Variants in FGF14 observed in about 807,000 individuals in gnomAD.
FGF14 encodes the protein fibroblast growth factor 14, also known as fibroblast growth factor homologous factor 4.
In FGF14, 5 loss-of-function variants were observed where a neutral mutation model predicts 25.5. That is an observed-to-expected ratio of 0.20 (90% CI 0.10 to 0.41). The LOEUF is 0.41. FGF14 is among the 10% of genes least tolerant of loss of function. FGF14 has a pLI of 1.00. For synonymous variants in FGF14, 138 were observed against 118.3 expected, an observed-to-expected ratio of 1.17 and a Z score of -1.08; for missense variants, 222 against 320.1, an observed-to-expected ratio of 0.69 and a Z score of 2.34.
chr13:101,821,016 C>T (rs1194516012), intron 3 of FGF14, among the ~76,000 whole-genome samples: 1 of 147,372 alleles, frequency 6.8e-6, no homozygotes, highest in East Asian at 2.0e-4. Flanking sequence ...GGCATGATCT[C>T]GGCTCACTGC....
intron 1 of FGF14, among the ~76,000 whole-genome samples, chr13:101,973,713 C>T (rs1387868212): frequency 6.6e-6 from 1 of 152,160 alleles, no homozygotes; most frequent in Non-Finnish European, 1.5e-5. Flanking sequence ...GTGCTGGCAG[C>T]TGATGAGATG....
intron 1 of FGF14, among the ~76,000 whole-genome samples, chr13:102,127,592 C>T (rs1247320164): frequency 1.3e-5 from 2 of 152,150 alleles, no homozygotes; most frequent in Non-Finnish European, 2.9e-5. Context: ...AACCCTAACT[C>T]AGAGAATCAT....
At chr13:102,263,377 T>C (rs2141126437) in intron 1 of FGF14, among the ~76,000 whole-genome samples, 1 of 152,342 alleles carries the variant, frequency 6.6e-6, no homozygotes, top group African/African-American at 2.4e-5. Flanking sequence ...CATAATTTGA[T>C]GAATAGGACA....
chr13:102,353,344 C>T, intron 1 of FGF14, among the ~76,000 whole-genome samples: 1 of 152,172 alleles, frequency 6.6e-6, no homozygotes, highest in Non-Finnish European at 1.5e-5. Flanking sequence ...GTCTTCTCAT[C>T]TAAAATACTT....
chr13:102,329,348 A>C (rs1168991171), intron 1 of FGF14, among the ~76,000 whole-genome samples: 1 of 152,118 alleles, frequency 6.6e-6, no homozygotes, highest in Non-Finnish European at 1.5e-5. Context: ...CCCCAACAGT[A>C]GTGTCAAAAG....
chr13:101,882,707 T>A (rs1387288630), intron 1 of FGF14, among the ~76,000 whole-genome samples: 6 of 152,132 alleles, frequency 3.9e-5, no homozygotes, highest in Non-Finnish European at 7.4e-5. Flanking sequence ...ATTTAAGAAG[T>A]AACATTTTGG....
chr13:102,297,378 A>G (rs914431614), intron 1 of FGF14, among the ~76,000 whole-genome samples: 8 of 152,152 alleles, frequency 5.3e-5, no homozygotes, highest in African/African-American at 1.9e-4. Context: ...TGGAACAGGA[A>G]AAGGACATTA....
chr13:102,103,130 A>G (rs1353717713), intron 1 of FGF14, among the ~76,000 whole-genome samples: 2 of 152,218 alleles, frequency 1.3e-5, no homozygotes, highest in Non-Finnish European at 2.9e-5. Flanking sequence ...ACAAGAGGTG[A>G]GGACAGAAAG....
At chr13:102,093,477 C>A (rs2044257833) in intron 1 of FGF14, among the ~76,000 whole-genome samples, 1 of 152,138 alleles carries the variant, frequency 6.6e-6, no homozygotes, top group Non-Finnish European at 1.5e-5. Flanking sequence ...GTAGTGAGCT[C>A]AAGTGTCAAA....
chr13:102,057,584 C>G (rs1233997227), intron 1 of FGF14, among the ~76,000 whole-genome samples: 1 of 152,054 alleles, frequency 6.6e-6, no homozygotes, highest in Non-Finnish European at 1.5e-5. Context: ...TCTCAGTGAC[C>G]ATTATAGTAT....
At chr13:101,812,611 C>CTA (rs35878751) in intron 3 of FGF14, among the ~76,000 whole-genome samples, 25 of 12,376 alleles carry the variant, frequency 2.0e-3, no homozygotes, top group African/African-American at 4.3e-3. Flanking sequence ...ATTTTTAAAA[C>CTA]TATATATATA....
intron 1 of FGF14, among the ~76,000 whole-genome samples, chr13:102,261,519 A>G (rs569351205): frequency 6.6e-6 from 1 of 152,234 alleles, no homozygotes; most frequent in African/African-American, 2.4e-5. Context: ...CATGTCTTGC[A>G]TATTCCAAAA....
chr13:102,301,026 AAGGCTATT>A (rs2055024021), intron 1 of FGF14, among the ~76,000 whole-genome samples: 1 of 152,140 alleles, frequency 6.6e-6, no homozygotes, highest in South Asian at 2.1e-4. Flanking sequence ...TTAAAAGAAA[AAGGCTATT>A]AGGCTATTAT....
intron 1 of FGF14, among the ~76,000 whole-genome samples, chr13:102,190,179 A>T (rs1340324577): frequency 6.6e-6 from 1 of 152,150 alleles, no homozygotes; most frequent in East Asian, 1.9e-4. Context: ...GTTTCCAGCA[A>T]CCTTCCCTCA....
At chr13:102,286,590 T>C (rs1247069656) in intron 1 of FGF14, among the ~76,000 whole-genome samples, 1 of 152,158 alleles carries the variant, frequency 6.6e-6, no homozygotes, top group Non-Finnish European at 1.5e-5. Flanking sequence ...GCCTAATGGG[T>C]ACTTGTTAAA....
intron 1 of FGF14, among the ~76,000 whole-genome samples, chr13:101,898,407 C>A (rs1316746828): frequency 2.7e-5 from 4 of 150,258 alleles, no homozygotes; most frequent in Non-Finnish European, 5.9e-5. Context: ...GACAGAAATA[C>A]CCATCTCCGT....
intron 3 of FGF14, among the ~76,000 whole-genome samples, chr13:101,839,813 T>G (rs2043110218): frequency 6.6e-6 from 1 of 151,922 alleles, no homozygotes. Flanking sequence ...ATGAAGAAAA[T>G]GTAATGTATG....
At chr13:101,924,886 T>C (rs1357329973) in intron 1 of FGF14, among the ~76,000 whole-genome samples, 1 of 152,152 alleles carries the variant, frequency 6.6e-6, no homozygotes, top group African/African-American at 2.4e-5. Context: ...CAGTGTAGAA[T>C]AAGAACTCTT....
At chr13:102,247,763 C>A (rs568585499) in intron 1 of FGF14, among the ~76,000 whole-genome samples, 4 of 152,212 alleles carry the variant, frequency 2.6e-5, no homozygotes, top group African/African-American at 9.6e-5. Context: ...GAAAATACAT[C>A]GCTCTACCAT....
Sources: gnomAD v4.1 joint callset for allele counts (sites outside exome capture counted in the v4.1 genomes callset) on GRCh38, gnomAD v4.1.1 for gene constraint, MANE v1.5 for transcripts, NCBI Gene and HGNC (gene_info 2026-07-23, HGNC 2026-07-21) for gene names.